Variants in WWOX observed in about 807,000 individuals in gnomAD.
The protein encoded by WWOX is WW domain-containing oxidoreductase.
Under a neutral mutation model 46.2 loss-of-function variants are expected in WWOX, and 69 were observed. That is an observed-to-expected ratio of 1.49 (90% CI 1.23 to 1.82). The LOEUF (loss-of-function observed/expected upper bound fraction) is 1.82, where lower values mean the gene tolerates loss of function less well. Ranked by LOEUF, WWOX falls within the 40% of genes most tolerant of loss-of-function variation. The pLI is 0.00. For missense variants in WWOX, 919 were observed against 542.6 expected, an observed-to-expected ratio of 1.69 and a Z score of -6.89; for synonymous variants, 359 against 202.6, an observed-to-expected ratio of 1.77 and a Z score of -6.56.
chr16:78,652,147 C>T (rs991562435), intron 8 of WWOX, among the ~76,000 whole-genome samples: 1 of 151,628 alleles, frequency 6.6e-6, no homozygotes, highest in Non-Finnish European at 1.5e-5. Flanking sequence ...CGTGGTGGCT[C>T]ACACCTGTAA....
intron 8 of WWOX, among the ~76,000 whole-genome samples, chr16:79,042,660 C>T (rs2047993881): frequency 6.6e-6 from 1 of 151,418 alleles, no homozygotes; most frequent in South Asian, 2.1e-4. Flanking sequence ...CATACAGTGC[C>T]AGTGGGCAGA....
rs370292661 is a variant in WWOX at position 78,658,918 on chromosome 16, C to G, written c.1056+226166C>G. The stretch of plus-strand genomic sequence containing the variant: ...ACCAGCCTGGCCAAAATGGCAAAAC[C>G]CCTTCTCTATTAAAAATACAAAAAT... On this transcript the variant is annotated intron_variant, in intron 8 of 8. Coordinates refer to ENST00000566780, the MANE Select transcript of WWOX (RefSeq NM_016373.4). Among the ~76,000 whole-genome samples the G allele has an allele frequency of 8.5e-5, 10 of 118,016 alleles. No homozygotes were observed. In the East Asian group the frequency reaches 1.8e-3, roughly 21 times the overall value. 77.4% of individuals were successfully genotyped at this position (118,016 alleles called of 152,430 possible).
chr16:78,331,617 A>C (rs892767921), intron 5 of WWOX, among the ~76,000 whole-genome samples: 4 of 151,758 alleles, frequency 2.6e-5, no homozygotes, highest in Non-Finnish European at 4.4e-5. Flanking sequence ...AAATCAGAGT[A>C]ATCCTCCCTA....
chr16:78,142,960 C>G (rs985685128), intron 4 of WWOX, among the ~76,000 whole-genome samples: 4 of 152,188 alleles, frequency 2.6e-5, no homozygotes, highest in Non-Finnish European at 4.4e-5. Flanking sequence ...TATTAGTCAT[C>G]TTAATTCATT....
intron 7 of WWOX, among the ~76,000 whole-genome samples, chr16:78,430,910 A>G (rs1164572281): frequency 3.9e-5 from 6 of 152,196 alleles, no homozygotes; most frequent in Non-Finnish European, 8.8e-5. Flanking sequence ...TGCTGATATT[A>G]AGGAATAATA....
At chr16:78,352,660 T>C (rs1245408451) in intron 5 of WWOX, among the ~76,000 whole-genome samples, 1 of 152,256 alleles carries the variant, frequency 6.6e-6, no homozygotes, top group Non-Finnish European at 1.5e-5. Context: ...TAATGCCATC[T>C]ACAACCTTAA....
At chr16:78,539,114 C>T (rs1053382103) in intron 8 of WWOX, among the ~76,000 whole-genome samples, 6 of 152,218 alleles carry the variant, frequency 3.9e-5, no homozygotes, top group Non-Finnish European at 5.9e-5. Flanking sequence ...TAACTTGTGC[C>T]TGCCTGTCTG....
chr16:78,715,246 C>G (rs192656756), intron 8 of WWOX, among the ~76,000 whole-genome samples: 2,268 of 152,140 alleles, frequency 0.015, 23 homozygotes, highest in South Asian at 0.038. Context: ...CTGTAACACA[C>G]AGAGCTTTGT....
chr16:79,007,463 G>A (rs1016431092), intron 8 of WWOX, among the ~76,000 whole-genome samples: 21 of 152,158 alleles, frequency 1.4e-4, no homozygotes, highest in African/African-American at 4.8e-4. Flanking sequence ...TGAGGCCAGG[G>A]GATTGTTAGT....
intron 8 of WWOX, among the ~76,000 whole-genome samples, chr16:78,543,509 C>A (rs1468382830): frequency 6.6e-6 from 1 of 152,194 alleles, no homozygotes; most frequent in East Asian, 1.9e-4. Flanking sequence ...CACCCATGCA[C>A]CTTACACAGA....
intron 5 of WWOX, among the ~76,000 whole-genome samples, chr16:78,169,223 G>A (rs1035518202): frequency 1.3e-5 from 2 of 152,216 alleles, no homozygotes; most frequent in Non-Finnish European, 2.9e-5. Context: ...AGAGGCCAGT[G>A]TGGCTGGTGG....
intron 8 of WWOX, among the ~76,000 whole-genome samples, chr16:78,649,415 G>C (rs9936057): frequency 0.44 from 66,306 of 151,826 alleles, 15,852 homozygotes; most frequent in African/African-American, 0.64. Flanking sequence ...ACTTGAATAG[G>C]TGGGACTACA....
At chr16:78,409,972 T>G (rs2082639174) in intron 6 of WWOX, among the ~76,000 whole-genome samples, 1 of 152,212 alleles carries the variant, frequency 6.6e-6, no homozygotes, top group Non-Finnish European at 1.5e-5. Flanking sequence ...CTCCTGCACA[T>G]GCCATGTTGA....
At chr16:78,668,267 C>G (rs117572015) in intron 8 of WWOX, among the ~76,000 whole-genome samples, 4,891 of 152,198 alleles carry the variant, frequency 0.032, 82 homozygotes, top group East Asian at 0.066. Flanking sequence ...TGTGACAGAG[C>G]AAGACTTTGT....
intron 5 of WWOX, among the ~76,000 whole-genome samples, chr16:78,358,527 A>C (rs1201430176): frequency 6.6e-6 from 1 of 152,088 alleles, no homozygotes; most frequent in Non-Finnish European, 1.5e-5. Flanking sequence ...GTGTGGTGGC[A>C]CATGCCTGTA....
rs2050545356 is a variant in WWOX, at chr16:78,789,660, A to T, written c.1056+356908A>T. On this transcript the variant is annotated intron_variant, in intron 8 of 8. Transcript: ENST00000566780. ...CTTGTATTTCCATTTGAATTTTAAG[A>T]TCAATATAATTTAAATTTTAATCAT... Among the ~76,000 whole-genome samples, 3 of 152,242 alleles carry T rather than the reference A, an allele frequency of 2.0e-5. No homozygotes were observed. In the South Asian group the frequency reaches 6.2e-4, roughly 32 times the overall value.
At chr16:78,682,804 C>A (rs1360480992) in intron 8 of WWOX, among the ~76,000 whole-genome samples, 1 of 152,190 alleles carries the variant, frequency 6.6e-6, no homozygotes, top group African/African-American at 2.4e-5. Context: ...ATTCATTTGT[C>A]CACAGCATGG....
chr16:78,407,653 C>T (rs1006032238), intron 6 of WWOX, among the ~76,000 whole-genome samples: 12 of 152,166 alleles, frequency 7.9e-5, no homozygotes, highest in Non-Finnish European at 1.0e-4. Flanking sequence ...CTTGTCTCCA[C>T]AGCATAAATG....
chr16:78,882,676 CAG>C (rs1194108982), intron 8 of WWOX, among the ~76,000 whole-genome samples: 18 of 151,892 alleles, frequency 1.2e-4, no homozygotes, highest in African/African-American at 4.4e-4. Context: ...TTAGTAGAGA[CAG>C]GGGTTTCACC....
Sources: gnomAD v4.1 joint callset for allele counts (sites outside exome capture counted in the v4.1 genomes callset) on GRCh38, gnomAD v4.1.1 for gene constraint, MANE v1.5 for transcripts, NCBI Gene and HGNC (gene_info 2026-07-23, HGNC 2026-07-21) for gene names.